Variants in RASSF5 observed in about 807,000 individuals in gnomAD.
RASSF5 encodes the protein Ras association domain family member 5, also known as ras association domain-containing protein 5.
In RASSF5, 25 loss-of-function variants were observed where a neutral mutation model predicts 40.5. The observed-to-expected ratio is 0.62, with a 90% CI of 0.45 to 0.86. The LOEUF (loss-of-function observed/expected upper bound fraction) is 0.86. Ranked by LOEUF, RASSF5 falls within the 40% of genes least tolerant of loss-of-function variation. RASSF5 has a pLI of 0.00. For synonymous variants in RASSF5, 246 were observed against 252.4 expected (o/e 0.97, Z 0.24); for missense variants, 521 against 572.8 (o/e 0.91, Z 0.92).
intron 2 of RASSF5, among the ~76,000 whole-genome samples, chr1:206,582,522 T>C (rs1553406587): frequency 6.6e-6 from 1 of 152,226 alleles, no homozygotes; most frequent in Non-Finnish European, 1.5e-5. Context: ...TCATATGAGA[T>C]AATGTATGCC....
intron 2 of RASSF5, among the ~76,000 whole-genome samples, chr1:206,575,478 C>T (rs1359102896): frequency 6.6e-6 from 1 of 152,158 alleles, no homozygotes; most frequent in Non-Finnish European, 1.5e-5. Flanking sequence ...AAGATAGAGT[C>T]TTGCTGACAA....
chr1:206,539,196 C>T (rs1267353804), intron 2 of RASSF5, among the ~76,000 whole-genome samples: 1 of 152,142 alleles, frequency 6.6e-6, no homozygotes, highest in Non-Finnish European at 1.5e-5. Context: ...CGAGTGTTCA[C>T]CATGTGCCAG....
chr1:206,527,238 A>C (rs1572304487), intron 1 of RASSF5, among the ~76,000 whole-genome samples: 1 of 152,118 alleles, frequency 6.6e-6, no homozygotes, highest in Non-Finnish European at 1.5e-5. Flanking sequence ...CTGGGTAAGG[A>C]TTTCTGATGT....
chr1:206,578,729 C>A (rs1465893222), intron 2 of RASSF5, among the ~76,000 whole-genome samples: 1 of 152,162 alleles, frequency 6.6e-6, no homozygotes, highest in Non-Finnish European at 1.5e-5. Flanking sequence ...ATCCTGGGGA[C>A]CCCCTCTCAT....
chr1:206,524,481 T>G (rs1424331742), intron 1 of RASSF5, among the ~76,000 whole-genome samples: 17 of 134,062 alleles, frequency 1.3e-4, no homozygotes, highest in African/African-American at 3.0e-4. Context: ...ATATATATGG[T>G]TTTTTTTTTT....
At chr1:206,509,757 C>A (rs892535147) in intron 1 of RASSF5, among the ~76,000 whole-genome samples, 3 of 150,694 alleles carry the variant, frequency 2.0e-5, no homozygotes, top group Non-Finnish European at 4.4e-5. Flanking sequence ...GATAATGGTG[C>A]GTTTGTGTGT....
rs545864332 is a variant in RASSF5 at position 206,550,341 on chromosome 1, T to C, written c.579+12048T>C. 5.9e-5 allele frequency among the ~76,000 whole-genome samples: 9 copies of C among 152,350 alleles called. No homozygotes were observed. In the East Asian group the frequency reaches 1.5e-3, roughly 26 times the overall value. On this transcript the variant is annotated intron_variant, in intron 2 of 5. Transcript: ENST00000579436. ...CTGTTCTAATCCTGATTCGTACTAG[T>C]TCATTTAATACCCAGCCTTACGCAT...
rs1666682024 is a variant in RASSF5, at chr1:206,513,877, G to A, written c.457+5818G>A. On this transcript the variant is annotated intron_variant, in intron 1 of 5. Transcript: ENST00000579436. This position sits in a 1 kb window ranked among gnomAD's most constrained non-coding sequence, Gnocchi z 5.0. ...GCACTGGTTTAAGTGGAATAAAGTC[G>A]GGGCTTGGGAGCAGTCATGGGTTGC... Among the ~76,000 whole-genome samples, 2 of 152,194 alleles carry A rather than the reference G, an allele frequency of 1.3e-5. No homozygotes were observed. The highest frequency in any genetic ancestry group is 4.1e-4 in the South Asian group (2 of 4,834).
intron 1 of RASSF5, among the ~76,000 whole-genome samples, chr1:206,532,197 G>A (rs1448937082): frequency 3.3e-5 from 5 of 152,160 alleles, no homozygotes; most frequent in African/African-American, 9.7e-5. Context: ...TAGGAATAAG[G>A]TTGGTGAGAC....
intron 2 of RASSF5, among the ~76,000 whole-genome samples, chr1:206,539,394 C>A (rs868951206): frequency 2.0e-5 from 3 of 152,052 alleles, no homozygotes; most frequent in Middle Eastern, 3.2e-3. Context: ...CACGAGCAGC[C>A]CCCCGGTCTC....
At chr1:206,539,306 T>C (rs1404144449) in intron 2 of RASSF5, among the ~76,000 whole-genome samples, 1 of 152,178 alleles carries the variant, frequency 6.6e-6, no homozygotes, top group East Asian at 1.9e-4. Context: ...TAAACAAATA[T>C]ATCCTGTGTC....
In RASSF5 at chr1:206,584,066, A is replaced by C. The variant is rs567934563; in HGVS notation, c.691-321A>C. On this transcript the variant is annotated intron_variant, in intron 3 of 5. Coordinates refer to ENST00000579436, the MANE Select transcript of RASSF5 (RefSeq NM_182663.4). This position sits in a 1 kb window ranked among gnomAD's most constrained non-coding sequence, Gnocchi z 4.9. ...TTCAGAGGTACAAACTAGAGTGGCT[A>C]CCCCACACCCTGCCTCTTACAATGG... is the stretch of plus-strand genomic sequence containing the variant. 2.6e-5 allele frequency among the ~76,000 whole-genome samples: 4 copies of C among 152,242 alleles called. No homozygotes were observed. The South Asian group carries it at 8.3e-4, about 32-fold the overall frequency.
chr1:206,523,730 T>TAA (rs58619402), intron 1 of RASSF5, among the ~76,000 whole-genome samples: 10 of 93,638 alleles, frequency 1.1e-4, no homozygotes, highest in Non-Finnish European at 1.7e-4. Flanking sequence ...TATTTATATA[T>TAA]TATATATAAT....
At chr1:206,558,478 G>C (rs1423124104) in intron 2 of RASSF5, among the ~76,000 whole-genome samples, 1 of 152,154 alleles carries the variant, frequency 6.6e-6, no homozygotes, top group African/African-American at 2.4e-5. Context: ...CTCCAAGCCA[G>C]GTCCTTAGAG....
At chr1:206,545,230 A>G (rs1667650652) in intron 2 of RASSF5, among the ~76,000 whole-genome samples, 1 of 152,192 alleles carries the variant, frequency 6.6e-6, no homozygotes, top group Admixed American at 6.5e-5. Context: ...TATTATTGAA[A>G]GAAGTGTTGA....
chr1:206,510,358 CTCTG>C (rs142831570), intron 1 of RASSF5, among the ~76,000 whole-genome samples: 2,384 of 152,216 alleles, frequency 0.016, 34 homozygotes, highest in African/African-American at 0.045. Context: ...TCCTGGACAT[CTCTG>C]TGTTCTGCTT....
At chr1:206,522,048 G>T (rs1455932322) in intron 1 of RASSF5, among the ~76,000 whole-genome samples, 1 of 151,984 alleles carries the variant, frequency 6.6e-6, no homozygotes. Flanking sequence ...TTTTCTTAAG[G>T]TGCCTGGCAA....
chr1:206,523,853 AATATATTTTATATATT>A (rs1480790716), intron 1 of RASSF5, among the ~76,000 whole-genome samples: 4 of 108,532 alleles, frequency 3.7e-5, no homozygotes, highest in Middle Eastern at 7.6e-3. Context: ...TATACTATAC[AATATATTTTATATATT>A]ATATATTTTA....
chr1:206,513,836 G>A lies in RASSF5; in HGVS notation c.457+5777G>A, dbSNP rs1234006626. The stretch of plus-strand genomic sequence containing the variant: ...GTGATGACGTTAGACCAGGCAGAAG[G>A]CTGGGTTCCCTGGGGGCACTGGTTT... On this transcript the variant is annotated intron_variant, in intron 1 of 5. Transcript: ENST00000579436. This position sits in a 1 kb window ranked among gnomAD's most constrained non-coding sequence, Gnocchi z 5.0. 6.6e-6 allele frequency among the ~76,000 whole-genome samples: 1 copy of A among 152,252 alleles called. No individual in the cohort carries two copies. The highest frequency in any genetic ancestry group is 1.5e-5 in the Non-Finnish European group (1 of 68,044).
Sources: gnomAD v4.1 joint callset for allele counts (sites outside exome capture counted in the v4.1 genomes callset) on GRCh38, gnomAD v4.1.1 for gene constraint, Gnocchi (gnomAD v3.1) non-coding constraint, MANE v1.5 for transcripts, NCBI Gene and HGNC (gene_info 2026-07-23, HGNC 2026-07-21) for gene names.